CCBE1: variants seen among roughly 807,000 people sequenced by gnomAD.
CCBE1 encodes the protein collagen and calcium-binding EGF domain-containing protein 1.
In CCBE1, 37 loss-of-function variants were observed where a neutral mutation model predicts 50.0. The observed-to-expected ratio is 0.74, with a 90% CI of 0.57 to 0.97. The LOEUF (loss-of-function observed/expected upper bound fraction) is 0.97, where lower values mean the gene tolerates loss of function less well. Among genes scored for constraint, CCBE1 ranks in the 50% least tolerant of loss-of-function variants. The pLI is 0.00. For missense variants in CCBE1, 538 were observed against 523.8 expected, an observed-to-expected ratio of 1.03 and a Z score of -0.26; for synonymous variants, 234 against 203.7, an observed-to-expected ratio of 1.15 and a Z score of -1.27.
chr18:59,573,535 TTC>T (rs962358646), intron 2 of CCBE1, among the ~76,000 whole-genome samples: 1 of 151,822 alleles, frequency 6.6e-6, no homozygotes, highest in Non-Finnish European at 1.5e-5. Flanking sequence ...ACTTCTCTGT[TTC>T]TCTGAGGACT....
chr18:59,441,635 A>G (rs572087957), intron 7 of CCBE1, among the ~76,000 whole-genome samples: 1 of 152,314 alleles, frequency 6.6e-6, no homozygotes, highest in African/African-American at 2.4e-5. Context: ...AAAGATAAAC[A>G]GTGTGTCTGA....
chr18:59,680,566 C>T (rs61295751), intron 2 of CCBE1, among the ~76,000 whole-genome samples: 2,240 of 151,692 alleles, frequency 0.015, 50 homozygotes, highest in Admixed American at 0.045. Context: ...GGCGTGGTGG[C>T]GGGCGCCTGT....
chr18:59,498,816 C>T (rs116719921), intron 2 of CCBE1, among the ~76,000 whole-genome samples: 1 of 152,156 alleles, frequency 6.6e-6, no homozygotes. Flanking sequence ...TAAACAGATG[C>T]ATTTCTATTT....
At chr18:59,578,783 C>T (rs192853039) in intron 2 of CCBE1, among the ~76,000 whole-genome samples, 155 of 152,264 alleles carry the variant, frequency 1.0e-3, no homozygotes, top group Non-Finnish European at 1.7e-3. Flanking sequence ...GAGTATCACA[C>T]ACCAGGGCCC....
chr18:59,536,064 G>A (rs1915235725), intron 2 of CCBE1, among the ~76,000 whole-genome samples: 1 of 152,176 alleles, frequency 6.6e-6, no homozygotes, highest in African/African-American at 2.4e-5. Context: ...CTTTTCAGAT[G>A]AATATAAAGT....
intron 2 of CCBE1, among the ~76,000 whole-genome samples, chr18:59,540,816 C>A (rs540889808): frequency 2.6e-5 from 4 of 152,132 alleles, no homozygotes; most frequent in African/African-American, 7.2e-5. Flanking sequence ...AACCGGTAAA[C>A]CCTGAAATAT....
intron 2 of CCBE1, among the ~76,000 whole-genome samples, chr18:59,515,634 G>A (rs575086191): frequency 6.6e-6 from 1 of 152,180 alleles, no homozygotes; most frequent in Admixed American, 6.5e-5. Context: ...ATTATTTTGG[G>A]GCAATAAACA....
rs977199709 is a variant in CCBE1, at chr18:59,434,687, A to G, written c.*1221T>C. 2 of 152,236 alleles carry G rather than the reference A, an allele frequency of 1.3e-5. No individual in the cohort carries two copies. Among genetic ancestry groups the G allele is most frequent in the Non-Finnish European group, 2.9e-5 (2 of 68,042 alleles). The allele number at this position is 152,236 out of a possible 1,614,324, so 9.4% of individuals were successfully genotyped here. On this transcript the variant is annotated 3_prime_UTR_variant, in exon 11 of 11. Transcript: ENST00000439986. Reference sequence around the variant, plus strand: ...AAGAACTGGAACTTGGACTAAATTAAAGAAAATTAAGAAAAAATGAGAATA... The same window carrying G: ...AAGAACTGGAACTTGGACTAAATTAGAGAAAATTAAGAAAAAATGAGAATA...
Position 59,438,121 on chromosome 18 carries a change from C to A in CCBE1, c.977G>T (p.Arg326Ile), listed in dbSNP as rs1910243555. 1.1e-5 allele frequency: 18 copies of A among 1,614,148 alleles called. No homozygotes were observed. The highest frequency in any genetic ancestry group is 1.5e-5 in the Non-Finnish European group (18 of 1,180,020). The change falls in exon 10 of 11, where the codon AGA becomes ATA. Residue 326 changes from arginine (R) to isoleucine (I), a missense_variant. Coordinates refer to ENST00000439986, the MANE Select transcript of CCBE1 (RefSeq NM_133459.4). ...SKGERGAPGPRGSPGPPGSFD... is the reference protein window; with the variant it reads ...SKGERGAPGPIGSPGPPGSFD... ...CAGAGTGCTACTTACTGGAGACCCT[C>A]TGGGCCCAGGCGCTCCTCTCTCCCC...
intron 4 of CCBE1, among the ~76,000 whole-genome samples, chr18:59,467,269 A>T (rs2143723424): frequency 6.6e-6 from 1 of 152,300 alleles, no homozygotes; most frequent in African/African-American, 2.4e-5. Context: ...ACACTCAGAG[A>T]AGCAAACATT....
intron 2 of CCBE1, among the ~76,000 whole-genome samples, chr18:59,593,967 A>C (rs1303559436): frequency 6.6e-6 from 1 of 152,208 alleles, no homozygotes; most frequent in East Asian, 1.9e-4. Flanking sequence ...TACCTTGTGC[A>C]TTCAAGAACC....
chr18:59,560,391 T>C (rs528353167), intron 2 of CCBE1, among the ~76,000 whole-genome samples: 1 of 151,668 alleles, frequency 6.6e-6, no homozygotes, highest in Non-Finnish European at 1.5e-5. Context: ...TAAGTGGGAG[T>C]TGAACAATAA....
In CCBE1 at chr18:59,575,841, C is replaced by T. The variant is rs1455316945; in HGVS notation, c.213-95603G>A. ...CTGGGTAAGAGCCCCTCCCACCTCG[C>T]CAATTTTGCATAGATGGAGTTCTGC... On this transcript the variant is annotated intron_variant, in intron 2 of 10. Coordinates refer to ENST00000439986, the MANE Select transcript of CCBE1 (RefSeq NM_133459.4). 2.6e-5 allele frequency among the ~76,000 whole-genome samples: 4 copies of T among 152,242 alleles called. No individual in the cohort carries two copies. The South Asian group carries it at 6.2e-4, about 24-fold the overall frequency.
intron 2 of CCBE1, among the ~76,000 whole-genome samples, chr18:59,498,543 C>A (rs1018114785): frequency 3.3e-5 from 5 of 152,114 alleles, no homozygotes; most frequent in African/African-American, 1.2e-4. Context: ...TTACTGGTAA[C>A]CTTAAAGAGT....
At chr18:59,530,197 G>T (rs1325983492) in intron 2 of CCBE1, among the ~76,000 whole-genome samples, 2 of 152,106 alleles carry the variant, frequency 1.3e-5, no homozygotes, top group Non-Finnish European at 2.9e-5. Flanking sequence ...CAGAGAAGAG[G>T]CACCAGGTGG....
intron 2 of CCBE1, among the ~76,000 whole-genome samples, chr18:59,533,200 A>G (rs1382044243): frequency 2.6e-5 from 4 of 152,236 alleles, no homozygotes; most frequent in African/African-American, 9.6e-5. Context: ...ATTTATTCTG[A>G]ACACAAAAGT....
intron 2 of CCBE1, among the ~76,000 whole-genome samples, chr18:59,649,451 C>A (rs1331679272): frequency 6.6e-6 from 1 of 152,242 alleles, no homozygotes; most frequent in Non-Finnish European, 1.5e-5. Flanking sequence ...TAAGTTAAAG[C>A]TTTACGTGTA....
At chr18:59,655,079 CTA>C (rs760975908) in intron 2 of CCBE1, among the ~76,000 whole-genome samples, 219 of 96,618 alleles carry the variant, frequency 2.3e-3, no homozygotes, top group Non-Finnish European at 3.4e-3. Flanking sequence ...ACCACTGAGA[CTA>C]TGTCAAAAAA....
intron 2 of CCBE1, among the ~76,000 whole-genome samples, chr18:59,581,389 C>T (rs1269257642): frequency 1.3e-5 from 2 of 149,612 alleles, no homozygotes; most frequent in African/African-American, 5.0e-5. Flanking sequence ...CTCAGTGAGC[C>T]GAGATCACGC....
Sources: gnomAD v4.1 joint callset for allele counts (sites outside exome capture counted in the v4.1 genomes callset) on GRCh38, gnomAD v4.1.1 for gene constraint, MANE v1.5 for transcripts, NCBI Gene and HGNC (gene_info 2026-07-23, HGNC 2026-07-21) for gene names.